Variants in AOAH observed in about 807,000 individuals in gnomAD.
AOAH encodes the protein acyloxyacyl hydrolase (neutrophil).
AOAH carries 64 observed loss-of-function variants against 92.2 expected under a neutral mutation model. That is an observed-to-expected ratio of 0.69 (90% CI 0.57 to 0.86). The LOEUF is 0.86. Ranked by LOEUF, AOAH falls within the 40% of genes least tolerant of loss-of-function variation. The probability of loss-of-function intolerance (pLI) is 0.00; values close to 1 mark genes in which losing one functional copy is unlikely to be tolerated. For synonymous variants in AOAH, 263 were observed against 254.5 expected (o/e 1.03, Z -0.32); for missense variants, 656 against 694.6 (o/e 0.94, Z 0.62).
intron 3 of AOAH, among the ~76,000 whole-genome samples, chr7:36,662,381 G>A (rs866440465): frequency 1.7e-4 from 26 of 152,160 alleles, no homozygotes; most frequent in African/African-American, 6.3e-4. Context: ...GAAGTCAGGG[G>A]GTAAGACTGC....
At position 36,516,110 on chromosome 7, in the gene AOAH, C is replaced by T. The variant is rs1378500387; in HGVS notation, c.1600-2730G>A. On this transcript the variant is annotated intron_variant, in intron 20 of 20. Transcript: ENST00000617537. This position sits in a 1 kb window ranked among gnomAD's most constrained non-coding sequence, Gnocchi z 5.0. The stretch of plus-strand genomic sequence containing the variant: ...ACACCATACACACACCACACAGATA[C>T]ATCACACACACACCACACACAGATA... Among the ~76,000 whole-genome samples the T allele has an allele frequency of 1.4e-5, 2 of 147,368 alleles. No homozygotes were observed. Among genetic ancestry groups the T allele is most frequent in the Non-Finnish European group, 3.0e-5 (2 of 66,386 alleles).
intron 2 of AOAH, among the ~76,000 whole-genome samples, chr7:36,679,120 G>A (rs1166578143): frequency 6.6e-6 from 1 of 152,120 alleles, no homozygotes; most frequent in African/African-American, 2.4e-5. Context: ...ACAGATGTAT[G>A]TGTAAATAAA....
At chr7:36,572,598 A>G (rs1218271621) in intron 13 of AOAH, among the ~76,000 whole-genome samples, 1 of 152,108 alleles carries the variant, frequency 6.6e-6, no homozygotes, top group Non-Finnish European at 1.5e-5. Context: ...ATAATAATAC[A>G]GTTGGTAGGT....
intron 3 of AOAH, among the ~76,000 whole-genome samples, chr7:36,668,087 CT>C (rs1056949539): frequency 6.6e-6 from 1 of 152,164 alleles, no homozygotes; most frequent in African/African-American, 2.4e-5. Flanking sequence ...ATATTTGTTA[CT>C]GTTTTTTATT....
At chr7:36,652,724 G>C (rs548242604) in intron 4 of AOAH, among the ~76,000 whole-genome samples, 1 of 152,284 alleles carries the variant, frequency 6.6e-6, no homozygotes, top group South Asian at 2.1e-4. Context: ...CCAAGATGAA[G>C]ACATCAAACA....
chr7:36,694,574 TA>T (rs559488993), intron 1 of AOAH, among the ~76,000 whole-genome samples: 1 of 152,056 alleles, frequency 6.6e-6, no homozygotes, highest in Non-Finnish European at 1.5e-5. Context: ...TACTATATTT[TA>T]AAAAAAATCC....
intron 3 of AOAH, among the ~76,000 whole-genome samples, chr7:36,670,556 C>A (rs537105985): frequency 1.3e-5 from 2 of 152,266 alleles, no homozygotes; most frequent in South Asian, 4.1e-4. Flanking sequence ...CTCACTGCAA[C>A]CTCGGTCTCC....
At chr7:36,713,065 G>C (rs1038068743) in intron 1 of AOAH, among the ~76,000 whole-genome samples, 20 of 152,196 alleles carry the variant, frequency 1.3e-4, no homozygotes, top group African/African-American at 4.1e-4. Context: ...AGACCCATCA[G>C]TGTGCTGTAT....
intron 1 of AOAH, among the ~76,000 whole-genome samples, chr7:36,697,383 A>G (rs1422912152): frequency 6.6e-6 from 1 of 152,176 alleles, no homozygotes; most frequent in African/African-American, 2.4e-5. Flanking sequence ...CATTTTTAGG[A>G]TAGACTCTAC....
chr7:36,551,887 C>A (rs1198246897), intron 13 of AOAH, among the ~76,000 whole-genome samples: 1 of 151,978 alleles, frequency 6.6e-6, no homozygotes, highest in Non-Finnish European at 1.5e-5. Context: ...TGTAGTGAGG[C>A]AAGGAATCAT....
intron 1 of AOAH, among the ~76,000 whole-genome samples, chr7:36,702,758 CT>C (rs1457331368): frequency 6.6e-6 from 1 of 152,136 alleles, no homozygotes; most frequent in Non-Finnish European, 1.5e-5. Context: ...TGGTTGTTGA[CT>C]GATCAGGGTG....
rs139330863 is a variant in AOAH, at chr7:36,704,006, C to T, written c.128-17212G>A. Among the ~76,000 whole-genome samples the T allele has an allele frequency of 3.9e-5, 6 of 152,266 alleles. No homozygotes were observed. In the East Asian group the frequency reaches 1.2e-3, roughly 29 times the overall value. On this transcript the variant is annotated intron_variant, in intron 1 of 20. Transcript: ENST00000617537. The stretch of plus-strand genomic sequence containing the variant: ...GACTTTTTAATGATCACCATTCTAA[C>T]TGGATGCAAGTTACCATGTGGTGTT...
intron 13 of AOAH, among the ~76,000 whole-genome samples, chr7:36,574,786 G>T (rs1038899425): frequency 6.6e-6 from 1 of 152,064 alleles, no homozygotes; most frequent in Non-Finnish European, 1.5e-5. Flanking sequence ...AAATGAAAGC[G>T]ATCACTCGTA....
chr7:36,519,841 CTCA>C (rs1784021232), intron 20 of AOAH, among the ~76,000 whole-genome samples: 1 of 152,224 alleles, frequency 6.6e-6, no homozygotes, highest in African/African-American at 2.4e-5. Context: ...TGTCTGTTTA[CTCA>C]TCATTTTCCT....
intron 1 of AOAH, among the ~76,000 whole-genome samples, chr7:36,715,378 T>C (rs2117001286): frequency 6.6e-6 from 1 of 152,274 alleles, no homozygotes; most frequent in South Asian, 2.1e-4. Context: ...AGAATCAGTA[T>C]CATGAAAATG....
At chr7:36,681,065 C>T (rs1056886622) in intron 2 of AOAH, among the ~76,000 whole-genome samples, 7 of 152,080 alleles carry the variant, frequency 4.6e-5, no homozygotes, top group South Asian at 4.2e-4. Context: ...CACCTTCGGA[C>T]GACGCAACTT....
chr7:36,589,767 T>C (rs865811745), intron 12 of AOAH, among the ~76,000 whole-genome samples: 3 of 152,224 alleles, frequency 2.0e-5, no homozygotes, highest in Non-Finnish European at 2.9e-5. Flanking sequence ...TAAATGATGC[T>C]TTCAAATGAG....
At chr7:36,548,468 G>A in intron 15 of AOAH, 144 bp downstream of exon 15, 1 of 625,792 alleles carries the variant, frequency 1.6e-6, no homozygotes, top group Non-Finnish European at 2.8e-6. Flanking sequence ...TTATAGGTGT[G>A]AGCCCCTGTG....
chr7:36,625,737 C>G (rs1028667241), intron 6 of AOAH, among the ~76,000 whole-genome samples: 3 of 152,172 alleles, frequency 2.0e-5, no homozygotes, highest in African/African-American at 7.2e-5. Context: ...CCATGATCAC[C>G]CACACCTTGA....
Sources: allele counts gnomAD v4.1 joint callset (sites outside exome capture counted in the v4.1 genomes callset), GRCh38; gene constraint gnomAD v4.1.1; non-coding constraint Gnocchi (gnomAD v3.1); transcripts MANE v1.5; gene names NCBI Gene and HGNC (gene_info 2026-07-23, HGNC 2026-07-21).